Variants in HIRA observed in about 807,000 individuals in gnomAD.
The protein encoded by HIRA is histone cell cycle regulator.
A neutral mutation model predicts 126.6 loss-of-function variants in HIRA; 13 were observed. That is an observed-to-expected ratio of 0.10 (90% CI 0.07 to 0.16). HIRA has a LOEUF of 0.16. Among genes scored for constraint, HIRA ranks in the 10% least tolerant of loss-of-function variants. The probability of loss-of-function intolerance (pLI) is 1.00; values close to 1 mark genes in which losing one functional copy is unlikely to be tolerated. For missense variants in HIRA, 834 were observed against 1,314.4 expected, an observed-to-expected ratio of 0.63 and a Z score of 5.65; for synonymous variants, 511 against 520.0, an observed-to-expected ratio of 0.98 and a Z score of 0.24.
At chr22:19,375,934 C>A in intron 14 of HIRA, 142 bp from the exon 15 acceptor site, 1 of 886,392 alleles carries the variant, frequency 1.1e-6, no homozygotes, top group East Asian at 2.7e-5. Context: ...ATACAATCTA[C>A]TACTCCCATT....
At chr22:19,402,072 C>T (rs2146236294) in intron 5 of HIRA, among the ~76,000 whole-genome samples, 1 of 152,284 alleles carries the variant, frequency 6.6e-6, no homozygotes, top group South Asian at 2.1e-4. Context: ...AGTCTTCCCT[C>T]AAATGTCATC....
intron 18 of HIRA, among the ~76,000 whole-genome samples, chr22:19,358,200 A>G (rs2088831669): frequency 6.6e-6 from 1 of 152,108 alleles, no homozygotes; most frequent in South Asian, 2.1e-4. Context: ...GGGTTTCAAT[A>G]TGTTGGCCAG....
chr22:19,413,187 A>C (rs1416799846), intron 1 of HIRA, among the ~76,000 whole-genome samples: 3 of 152,162 alleles, frequency 2.0e-5, no homozygotes, highest in African/African-American at 7.2e-5. Flanking sequence ...ATTTCTCTAA[A>C]GGTACTTTCA....
intron 17 of HIRA, 69 bp from the exon 18 acceptor site, chr22:19,359,553 T>C (rs2088845219): frequency 1.4e-6 from 2 of 1,415,820 alleles, no homozygotes; most frequent in Non-Finnish European, 1.9e-6. Flanking sequence ...TCCAAGGCTC[T>C]GTAGCCTGGG....
At chr22:19,424,755 C>T (rs1265911310) in intron 1 of HIRA, among the ~76,000 whole-genome samples, 1 of 152,208 alleles carries the variant, frequency 6.6e-6, no homozygotes. Context: ...CACCTCATCT[C>T]ACTCAGCCTA....
chr22:19,417,363 C>A (rs1028670836), intron 1 of HIRA, among the ~76,000 whole-genome samples: 1 of 150,190 alleles, frequency 6.7e-6, no homozygotes, highest in Non-Finnish European at 1.5e-5. Context: ...GTGGCTCATG[C>A]CTGTAATCCC....
intron 16 of HIRA, among the ~76,000 whole-genome samples, 191 bp downstream of exon 16, chr22:19,361,536 G>C (rs1017433452): frequency 3.9e-5 from 6 of 152,150 alleles, no homozygotes; most frequent in African/African-American, 1.4e-4. Flanking sequence ...CCTGCTCAAG[G>C]GCCCTGGGTG....
chr22:19,408,125 T>C (rs2089322357), intron 3 of HIRA, among the ~76,000 whole-genome samples: 1 of 152,136 alleles, frequency 6.6e-6, no homozygotes, highest in African/African-American at 2.4e-5. Flanking sequence ...GCAGAGAGCC[T>C]CAGAGTGACA....
intron 10 of HIRA, 88 bp from the exon 11 acceptor site, chr22:19,387,904 A>G: frequency 1.5e-6 from 1 of 669,980 alleles, no homozygotes; most frequent in Non-Finnish European, 2.3e-6. Flanking sequence ...GATGGTGGGC[A>G]GTGTTCTAGG....
At chr22:19,407,107 A>C in intron 4 of HIRA, 77 bp downstream of exon 4, 1 of 1,153,670 alleles carries the variant, frequency 8.7e-7, no homozygotes, top group Non-Finnish European at 1.3e-6. Flanking sequence ...GTGACAGGGT[A>C]GGGAAAGGTG....
chr22:19,336,025 A>C (rs2088563954), intron 24 of HIRA, among the ~76,000 whole-genome samples: 1 of 152,240 alleles, frequency 6.6e-6, no homozygotes, highest in African/African-American at 2.4e-5. Context: ...TAGGCTATGT[A>C]CATCCTTTGT....
intron 24 of HIRA, among the ~76,000 whole-genome samples, chr22:19,333,958 C>T (rs2088526635): frequency 6.6e-6 from 1 of 151,802 alleles, no homozygotes; most frequent in Non-Finnish European, 1.5e-5. Flanking sequence ...TTTCTATCTC[C>T]TTGTTGATAC....
At position 19,342,527 on chromosome 22, in the gene HIRA, T is replaced by C. The variant is rs1177611691; in HGVS notation, c.2937+8831A>G. On this transcript the variant is annotated intron_variant, in intron 24 of 24. Transcript: ENST00000263208. ...TCAGCCTCCTGAGTAGCTGGGACTATAGGCATGCGCCACCATGGTTGGCTA... is the reference window on the plus strand; with the variant it reads ...TCAGCCTCCTGAGTAGCTGGGACTACAGGCATGCGCCACCATGGTTGGCTA... Among the ~76,000 whole-genome samples, 7 of 152,112 alleles carry C rather than the reference T, an allele frequency of 4.6e-5. No individual in the cohort carries two copies. In the South Asian group the frequency reaches 6.2e-4, roughly 14 times the overall value.
intron 5 of HIRA, among the ~76,000 whole-genome samples, chr22:19,402,254 G>A (rs879695555): frequency 5.9e-5 from 9 of 152,202 alleles, no homozygotes; most frequent in Non-Finnish European, 8.8e-5. Context: ...TGTTTGGTAT[G>A]TGGACAAGTA....
intron 1 of HIRA, among the ~76,000 whole-genome samples, chr22:19,414,843 C>T (rs1422083288): frequency 1.3e-5 from 2 of 151,982 alleles, no homozygotes; most frequent in Non-Finnish European, 2.9e-5. Context: ...CCAACAGGCG[C>T]ACCATTGCAC....
intron 1 of HIRA, among the ~76,000 whole-genome samples, chr22:19,413,630 T>TTTATTTAC (rs3080880): frequency 6.6e-6 from 1 of 150,842 alleles, no homozygotes; most frequent in Non-Finnish European, 1.5e-5. Context: ...TATTTATTTA[T>TTTATTTAC]AGACAGAGTT....
chr22:19,357,080 A>G (rs373463588), intron 18 of HIRA, 29 bp from the exon 19 acceptor site: 1 of 1,611,932 alleles, frequency 6.2e-7, no homozygotes, highest in Non-Finnish European at 8.5e-7. Context: ...GGCAGGTGTC[A>G]TGGGGGCTGA....
chr22:19,410,257 G>A (rs1237097243), intron 2 of HIRA, among the ~76,000 whole-genome samples: 1 of 152,236 alleles, frequency 6.6e-6, no homozygotes, highest in East Asian at 1.9e-4. Context: ...CTTGCCCACA[G>A]TGTGCTTTCT....
chr22:19,409,615 T>TTTCC (rs2089335849), intron 2 of HIRA, among the ~76,000 whole-genome samples: 1 of 152,204 alleles, frequency 6.6e-6, no homozygotes, highest in African/African-American at 2.4e-5. Flanking sequence ...CCATCACTGA[T>TTTCC]ATCTAACGAA....
Sources: allele counts gnomAD v4.1 joint callset (sites outside exome capture counted in the v4.1 genomes callset), GRCh38; gene constraint gnomAD v4.1.1; transcripts MANE v1.5; gene names NCBI Gene and HGNC (gene_info 2026-07-23, HGNC 2026-07-21).